Variants in HK1 observed in about 807,000 individuals in gnomAD.
HK1 encodes the protein hexokinase 1, also known as hexokinase-1.
A neutral mutation model predicts 91.6 loss-of-function variants in HK1; 28 were observed. That is an observed-to-expected ratio of 0.31 (90% confidence interval 0.23 to 0.42). The LOEUF (loss-of-function observed/expected upper bound fraction) is 0.42. Ranked by LOEUF, HK1 falls within the 10% of genes least tolerant of loss-of-function variation. The probability of loss-of-function intolerance (pLI) is 1.00; values close to 1 mark genes in which losing one functional copy is unlikely to be tolerated. For synonymous variants in HK1, 430 were observed against 468.1 expected (o/e 0.92, Z 1.05); for missense variants, 770 against 1,219.8 (o/e 0.63, Z 5.49).
At chr10:69,286,740 G>T (rs995264000) in intron 2 of HK1, among the ~76,000 whole-genome samples, 3 of 151,506 alleles carry the variant, frequency 2.0e-5, no homozygotes, top group South Asian at 4.2e-4. Context: ...TAGAGAGGGG[G>T]TTTCACCTCG....
chr10:69,384,553 A>G (rs1034149302), intron 11 of HK1, 72 bp downstream of exon 11: 4 of 1,589,122 alleles, frequency 2.5e-6, no homozygotes, highest in African/African-American at 1.3e-5. Context: ...CGTGATGACC[A>G]AAATCCGCCA....
chr10:69,289,245 T>A (rs1824878983), intron 3 of HK1, among the ~76,000 whole-genome samples: 2 of 152,084 alleles, frequency 1.3e-5, no homozygotes, highest in African/African-American at 2.4e-5. Flanking sequence ...AGCCTCTAAG[T>A]CTTGGTGCAG....
chr10:69,288,880 G>A (rs1207954971), intron 3 of HK1: 12 of 875,298 alleles, frequency 1.4e-5, no homozygotes, highest in Middle Eastern at 2.9e-4. Flanking sequence ...TCTGCCTCCC[G>A]GGTTCAAGCG....
At chr10:69,396,548 A>G (rs1001787831) in intron 16 of HK1, among the ~76,000 whole-genome samples, 1 of 123,800 alleles carries the variant, frequency 8.1e-6, no homozygotes, top group African/African-American at 3.1e-5. Context: ...CTCTGTCTCT[A>G]TGGATTTGAC....
At chr10:69,294,006 C>A (rs549804865) in intron 3 of HK1, among the ~76,000 whole-genome samples, 4 of 151,536 alleles carry the variant, frequency 2.6e-5, no homozygotes, top group Non-Finnish European at 4.4e-5. Flanking sequence ...GGACTACAGG[C>A]GCCCACCACC....
intron 1 of HK1, among the ~76,000 whole-genome samples, chr10:69,276,159 TTAAA>T (rs1271370086): frequency 6.4e-5 from 8 of 125,934 alleles, no homozygotes; most frequent in Non-Finnish European, 4.8e-5. Flanking sequence ...ATATTCTATA[TTAAA>T]TAAGTAATTC....
At chr10:69,331,486 C>T (rs370177155) in intron 1 of HK1, among the ~76,000 whole-genome samples, 36 of 152,222 alleles carry the variant, frequency 2.4e-4, no homozygotes, top group African/African-American at 8.7e-4. Context: ...TAAAATGTAG[C>T]AAGTCTGATT....
intron 16 of HK1, among the ~76,000 whole-genome samples, chr10:69,396,392 G>A (rs961623567): frequency 3.3e-5 from 5 of 151,814 alleles, no homozygotes; most frequent in African/African-American, 2.4e-5. Context: ...ACAGTTCGGT[G>A]ACATTAAGTA....
upstream of HK1, among the ~76,000 whole-genome samples, chr10:69,313,499 G>C (rs1846477861): frequency 6.6e-6 from 1 of 152,080 alleles, no homozygotes; most frequent in African/African-American, 2.4e-5. Context: ...TTTCGCTTTT[G>C]TGGCCCAGAC....
At chr10:69,291,725 G>A (rs563502993) in intron 3 of HK1, among the ~76,000 whole-genome samples, 1 of 152,312 alleles carries the variant, frequency 6.6e-6, no homozygotes, top group South Asian at 2.1e-4. Context: ...TCCAAGCTTA[G>A]AAACTCATGC....
intron 2 of HK1, among the ~76,000 whole-genome samples, chr10:69,350,949 T>A (rs1284660031): frequency 6.9e-6 from 1 of 144,652 alleles, no homozygotes; most frequent in Non-Finnish European, 1.5e-5. Context: ...GGCAGGCGGA[T>A]CACGAGGTCA....
chr10:69,281,304 G>A (rs369085743), intron 1 of HK1, among the ~76,000 whole-genome samples: 1 of 152,194 alleles, frequency 6.6e-6, no homozygotes, highest in Non-Finnish European at 1.5e-5. Flanking sequence ...TACTGGTGCA[G>A]GGACCACACT....
intron 5 of HK1, among the ~76,000 whole-genome samples, chr10:69,304,078 C>T: frequency 6.6e-6 from 1 of 152,096 alleles, no homozygotes; most frequent in East Asian, 1.9e-4. Flanking sequence ...CTATCTTAGG[C>T]TTTACAATAG....
In HK1 at chr10:69,380,015, C is replaced by T; in HGVS notation, c.1185C>T (p.Asn395=). The T allele has an allele frequency of 6.2e-7, 1 of 1,614,172 alleles. No individual in the cohort carries two copies. Among genetic ancestry groups the T allele is most frequent in the South Asian group, 1.1e-5 (1 of 91,086 alleles). ...LVAATLGAIL[N]RLRDNKGTPR... ...CTGCCACACTGGGCGCCATCTTGAA[C>T]CGCCTGCGTGATAACAAGGGCACAC... Residue 395 remains asparagine (N), a synonymous_variant, in exon 9 of 18, where the codon AAC becomes AAT. Transcript: ENST00000359426. The surrounding 1 kb of genome is among the most constrained non-coding windows in gnomAD (Gnocchi z 4.0).
chr10:69,379,901 C>A lies in HK1; in HGVS notation c.1071C>A (p.Thr357=), dbSNP rs768693711. Residue 357 remains threonine, a synonymous_variant, in exon 9 of 18, where the codon ACC becomes ACA. Coordinates refer to ENST00000359426, the MANE Select transcript of HK1 (RefSeq NM_000188.3). ...TCCACAATGCCAAAGAAATCCTGAC[C>A]CGCCTGGGAGTGGAGCCGTCCGATG... The part of the protein sequence containing the change: ...EGLHNAKEIL[T]RLGVEPSDDD... The A allele has an allele frequency of 1.9e-6, 3 of 1,614,164 alleles. No individual in the cohort carries two copies. The South Asian group carries it at 3.3e-5, about 18-fold the overall frequency.
intron 4 of HK1, among the ~76,000 whole-genome samples, chr10:69,367,898 T>A (rs1190054779): frequency 6.6e-6 from 1 of 152,272 alleles, no homozygotes; most frequent in Non-Finnish European, 1.5e-5. Context: ...TACCATTGGA[T>A]GTCTATCCTT....
chr10:69,395,100 C>G lies in HK1; in HGVS notation c.2370C>G (p.Ile790Met), dbSNP rs150711083. The change falls in exon 16 of 18, where the codon ATC (isoleucine) becomes ATG (methionine). Residue 790 changes from isoleucine to methionine, a missense_variant. Transcript: ENST00000359426. The stretch of plus-strand genomic sequence containing the variant: ...TTGAGACCAAGTTTCTCTCTCAGAT[C>G]GAGAGGTGAGTGGGCAGTGTCTTCC... ...GIFETKFLSQ[I>M]ESDRLALLQV... 12 of 1,613,664 alleles carry G rather than the reference C, an allele frequency of 7.4e-6. 1 individual carries two copies. In the South Asian group the frequency reaches 9.9e-5, roughly 13 times the overall value.
intron 1 of HK1, among the ~76,000 whole-genome samples, chr10:69,321,353 G>A (rs1015180012): frequency 2.6e-5 from 4 of 152,086 alleles, no homozygotes; most frequent in Non-Finnish European, 5.9e-5. Context: ...GCTCTTCTGG[G>A]GCCCAGGATT....
chr10:69,310,116 TAA>T (rs376737962), intron 5 of HK1, among the ~76,000 whole-genome samples: 2,574 of 103,818 alleles, frequency 0.025, 85 homozygotes, highest in African/African-American at 0.082. Flanking sequence ...AAACTCCATC[TAA>T]AAAAAAAAAA....
Sources: allele counts gnomAD v4.1 joint callset (sites outside exome capture counted in the v4.1 genomes callset), GRCh38; gene constraint gnomAD v4.1.1; non-coding constraint Gnocchi (gnomAD v3.1); transcripts MANE v1.5; gene names NCBI Gene and HGNC (gene_info 2026-07-23, HGNC 2026-07-21).